PCDHGA1: variants seen among roughly 807,000 people sequenced by gnomAD.
PCDHGA1 encodes the protein protocadherin gamma-A1.
A neutral mutation model predicts 58.0 loss-of-function variants in PCDHGA1; 32 were observed. The observed-to-expected ratio is 0.55, with a 90% CI of 0.42 to 0.74. PCDHGA1 has a LOEUF of 0.74. Among genes scored for constraint, PCDHGA1 ranks in the 30% least tolerant of loss-of-function variants. The pLI, the probability that PCDHGA1 is intolerant of heterozygous loss-of-function variation, is 0.00. For missense variants in PCDHGA1, 1,205 were observed against 1,182.3 expected (o/e 1.02, Z -0.28); for synonymous variants, 498 against 501.1 (o/e 0.99, Z 0.08).
chr5:141,501,296 C>T (rs4912760), intron 2 of PCDHGA1, among the ~76,000 whole-genome samples: 1,659 of 80,026 alleles, frequency 0.021, 16 homozygotes, highest in African/African-American at 0.042. Flanking sequence ...CTTATACACA[C>T]ACACACACAC....
At position 141,489,157 on chromosome 5, in the gene PCDHGA1, C is replaced by A. The variant is rs1222682069; in HGVS notation, c.2422-5650C>A. 1.0e-6 allele frequency: 1 copy of A among 984,444 alleles called. No homozygotes were observed. The highest frequency in any genetic ancestry group is 1.6e-5 in the African/African-American group (1 of 61,296). The allele number at this position is 984,444 out of a possible 1,614,324, so 61.0% of individuals were successfully genotyped here. On this transcript the variant is annotated intron_variant, in intron 1 of 3. Coordinates refer to ENST00000517417, the MANE Select transcript of PCDHGA1 (RefSeq NM_018912.3). This position sits in a 1 kb window ranked among gnomAD's most constrained non-coding sequence, Gnocchi z 4.5. ...AGAGGCTGGAAGGAGACATAAGAGA[C>A]TTCAGCTGCTGCATTCCAAGCCCTG...
chr5:141,509,273 C>T (rs1026035086), intron 3 of PCDHGA1, among the ~76,000 whole-genome samples: 1 of 152,098 alleles, frequency 6.6e-6, no homozygotes, highest in Admixed American at 6.5e-5. Flanking sequence ...CTCTCGCTAC[C>T]CGCTCCCAGG....
At position 141,394,998 on chromosome 5, in the gene PCDHGA1, G is replaced by T. The variant is rs774774010; in HGVS notation, c.2421+61893G>T. On this transcript the variant is annotated intron_variant, in intron 1 of 3. Transcript: ENST00000517417. ...CAAGTCACGCCTGCTCCAGGATTCC[G>T]GTGGCAGATTGGTAGGCGTGCCTGC... The T allele has an allele frequency of 2.7e-5, 44 of 1,613,892 alleles. No homozygotes were observed. Among genetic ancestry groups the T allele is most frequent in the Non-Finnish European group, 3.1e-5 (36 of 1,179,930 alleles).
chr5:141,399,991 G>C, intron 1 of PCDHGA1: 1 of 1,612,422 alleles, frequency 6.2e-7, no homozygotes, highest in Non-Finnish European at 8.5e-7. Context: ...CACAGGAGAG[G>C]TGCGCACAGC....
chr5:141,423,325 G>A lies in PCDHGA1; in HGVS notation c.2422-71482G>A, dbSNP rs201044967. ...GCTGTACTTGGTGGTGGCGGTGGCCGCAGTCTCCTGCATCTTCCTGGTCTT... is the reference window on the plus strand; with the variant it reads ...GCTGTACTTGGTGGTGGCGGTGGCCACAGTCTCCTGCATCTTCCTGGTCTT... On this transcript the variant is annotated intron_variant, in intron 1 of 3. Coordinates refer to ENST00000517417, the MANE Select transcript of PCDHGA1 (RefSeq NM_018912.3). 133 of 1,614,016 alleles carry A rather than the reference G, an allele frequency of 8.2e-5. No individual in the cohort carries two copies. Among genetic ancestry groups the A allele is most frequent in the Non-Finnish European group, 4.1e-5 (48 of 1,180,008 alleles).
At chr5:141,425,429 A>G in intron 1 of PCDHGA1, among the ~76,000 whole-genome samples, 1 of 152,254 alleles carries the variant, frequency 6.6e-6, no homozygotes, top group East Asian at 1.9e-4. Flanking sequence ...CCCATTAAAT[A>G]GAGGATAAAA....
intron 1 of PCDHGA1, chr5:141,424,304 C>T (rs909355692): frequency 2.0e-5 from 3 of 152,464 alleles, no homozygotes; most frequent in Admixed American, 2.0e-4. Flanking sequence ...CCTATCAACA[C>T]AGACATATTG....
chr5:141,422,106 C>G (rs763336868), intron 1 of PCDHGA1: 1 of 1,607,266 alleles, frequency 6.2e-7, no homozygotes, highest in Admixed American at 1.7e-5. Flanking sequence ...CTGAAATATT[C>G]CAATTGGATT....
intron 1 of PCDHGA1, chr5:141,404,430 A>G (rs917902438): frequency 6.2e-7 from 1 of 1,613,298 alleles, no homozygotes; most frequent in African/African-American, 1.3e-5. Context: ...TCCTTGGCAG[A>G]GGATACCATC....
At chr5:141,365,572 G>A (rs543051313) in intron 1 of PCDHGA1, 3 of 1,613,640 alleles carry the variant, frequency 1.9e-6, no homozygotes, top group Admixed American at 3.3e-5. Flanking sequence ...ACAGAGAAGA[G>A]ACTTCAGATT....
At chr5:141,355,635 T>C in intron 1 of PCDHGA1, 1 of 1,613,928 alleles carries the variant, frequency 6.2e-7, no homozygotes, top group Non-Finnish European at 8.5e-7. Flanking sequence ...TTGCTGAAAA[T>C]GAAAATCCTG....
chr5:141,476,206 C>A lies in PCDHGA1; in HGVS notation c.2422-18601C>A. On this transcript the variant is annotated intron_variant, in intron 1 of 3. Transcript: ENST00000517417. This position sits in a 1 kb window ranked among gnomAD's most constrained non-coding sequence, Gnocchi z 7.6. ...TGCTTGGTGCCTTGAACAAGGCTTC[C>A]ACGGTCATTCACTATGAGATCCCGG... 1 of 1,613,930 alleles carries A rather than the reference C, an allele frequency of 6.2e-7. No individual in the cohort carries two copies. The highest frequency in any genetic ancestry group is 1.7e-5 in the Admixed American group (1 of 60,004).
intron 1 of PCDHGA1, chr5:141,420,098 A>G: frequency 6.2e-7 from 1 of 1,614,034 alleles, no homozygotes; most frequent in African/African-American, 1.3e-5. Flanking sequence ...CAGTGAGGGA[A>G]CGTTGCCCTA....
In PCDHGA1 at chr5:141,491,841, A is replaced by T. The variant is rs995010359; in HGVS notation, c.2422-2966A>T. The T allele has an allele frequency of 1.4e-6, 2 of 1,465,172 alleles. No homozygotes were observed. The highest frequency in any genetic ancestry group is 1.4e-5 in the African/African-American group (1 of 69,948). 90.8% of individuals were successfully genotyped at this position (1,465,172 alleles called of 1,614,324 possible). ...TGCGCTCCACCCGATTCTCGGGATC[A>T]TTGGACCGTTTGCGCGAAACCAGAG... is the stretch of plus-strand genomic sequence containing the variant. On this transcript the variant is annotated intron_variant, in intron 1 of 3. Transcript: ENST00000517417. The surrounding 1 kb of genome is among the most constrained non-coding windows in gnomAD (Gnocchi z 6.9).
chr5:141,383,466 T>G (rs1469908164), intron 1 of PCDHGA1: 1 of 1,613,798 alleles, frequency 6.2e-7, no homozygotes, highest in South Asian at 1.1e-5. Context: ...ACGATGAAAC[T>G]AAGTACCCGG....
At chr5:141,507,003 G>A (rs569257489) in intron 3 of PCDHGA1, 3 of 152,342 alleles carry the variant, frequency 2.0e-5, no homozygotes, top group African/African-American at 7.2e-5. Context: ...CGACAGATGA[G>A]AGAACCGAGA....
chr5:141,345,165 C>A (rs865822045), intron 1 of PCDHGA1: 1 of 1,613,962 alleles, frequency 6.2e-7, no homozygotes. Context: ...AGATTCTGGG[C>A]AGAATGGGCA....
At chr5:141,374,130 T>A (rs368568776) in intron 1 of PCDHGA1, 2 of 1,604,204 alleles carry the variant, frequency 1.2e-6, no homozygotes, top group Middle Eastern at 1.7e-4. Context: ...CAGGTCCTGC[T>A]CCTCACGCTC....
intron 1 of PCDHGA1, chr5:141,344,016 C>T (rs751916221): frequency 5.9e-6 from 9 of 1,513,064 alleles, no homozygotes; most frequent in Non-Finnish European, 1.8e-6. Flanking sequence ...TCAGAGAAAG[C>T]GATTCACCGA....
Sources: gnomAD v4.1 joint callset for allele counts (sites outside exome capture counted in the v4.1 genomes callset) on GRCh38, gnomAD v4.1.1 for gene constraint, Gnocchi (gnomAD v3.1) non-coding constraint, MANE v1.5 for transcripts, NCBI Gene and HGNC (gene_info 2026-07-23, HGNC 2026-07-21) for gene names.